Variants in PAK1 observed in about 807,000 individuals in gnomAD.
The protein encoded by PAK1 is serine/threonine-protein kinase PAK 1.
PAK1 carries 29 observed loss-of-function variants against 67.4 expected under a neutral mutation model. The ratio of observed to expected loss-of-function variants is 0.43; its 90% CI spans 0.32 to 0.59. The LOEUF is 0.59. Ranked by LOEUF, PAK1 falls within the 20% of genes least tolerant of loss-of-function variation. The pLI, the probability that PAK1 is intolerant of heterozygous loss-of-function variation, is 0.07. For missense variants in PAK1, 337 were observed against 670.7 expected (o/e 0.50, Z 5.50); for synonymous variants, 223 against 237.4 (o/e 0.94, Z 0.56).
intron 1 of PAK1, among the ~76,000 whole-genome samples, chr11:77,446,125 C>G (rs989065871): frequency 2.0e-5 from 3 of 152,168 alleles, no homozygotes; most frequent in Admixed American, 2.0e-4. Flanking sequence ...TAGCATGCAG[C>G]AGATAATAAA....
chr11:77,328,493 G>T (rs969613547), intron 14 of PAK1, among the ~76,000 whole-genome samples: 1 of 152,112 alleles, frequency 6.6e-6, no homozygotes. Flanking sequence ...ACTCAAAACT[G>T]CTCAACTACA....
At chr11:77,492,357 A>AC in the PAK1 span, among the ~76,000 whole-genome samples, 1 of 139,430 alleles carries the variant, frequency 7.2e-6, no homozygotes, top group Non-Finnish European at 1.5e-5. Flanking sequence ...AAAAACAACA[A>AC]CAAAAAAAAA....
At chr11:77,387,679 A>G (rs528325172) in intron 2 of PAK1, among the ~76,000 whole-genome samples, 1 of 152,352 alleles carries the variant, frequency 6.6e-6, no homozygotes, top group African/African-American at 2.4e-5. Flanking sequence ...CTACTATGTC[A>G]AATGACAAAA....
chr11:77,399,655 C>T (rs1013100431), intron 1 of PAK1, among the ~76,000 whole-genome samples: 6 of 151,562 alleles, frequency 4.0e-5, no homozygotes, highest in East Asian at 1.9e-4. Context: ...GTCAGGAGAT[C>T]GAGACCATCC....
intron 9 of PAK1, among the ~76,000 whole-genome samples, chr11:77,345,362 C>T (rs1337038347): frequency 6.6e-6 from 1 of 152,038 alleles, no homozygotes; most frequent in African/African-American, 2.4e-5. Context: ...GCAATGGGCT[C>T]CTCTATCCCA....
chr11:77,389,131 C>G (rs2137344214), intron 2 of PAK1, among the ~76,000 whole-genome samples: 1 of 152,288 alleles, frequency 6.6e-6, no homozygotes. Context: ...AATCTACTTT[C>G]TATCTATGAA....
Position 77,473,778 on chromosome 11 carries a change from A to C in PAK1, c.-248T>G, listed in dbSNP as rs1213714257. 29 of 141,458 alleles carry C rather than the reference A, an allele frequency of 2.1e-4. No individual in the cohort carries two copies. The highest frequency in any genetic ancestry group is 9.0e-4 in the East Asian group (4 of 4,438). The allele number at this position is 141,458 out of a possible 1,614,324, so 8.8% of individuals were successfully genotyped here. On this transcript the variant is annotated 5_prime_UTR_variant, in exon 1 of 15. Transcript: ENST00000356341. ...GCGAGGCGACGCGGGCGGGGGGGGA[A>C]GGGGGGACTGAGGGGCGAGGTGCGA...
At chr11:77,498,012 T>A in the PAK1 span, among the ~76,000 whole-genome samples, 7 of 152,308 alleles carry the variant, frequency 4.6e-5, no homozygotes, top group African/African-American at 1.7e-4. Context: ...TCTGTGCAAG[T>A]ATTTTCTATT....
chr11:77,401,848 C>G (rs547769575), intron 1 of PAK1, among the ~76,000 whole-genome samples: 32 of 152,312 alleles, frequency 2.1e-4, no homozygotes, highest in African/African-American at 7.0e-4. Flanking sequence ...ATTATATCAA[C>G]CATAATCCAT....
At chr11:77,332,166 G>A (rs1941700410) in intron 14 of PAK1, among the ~76,000 whole-genome samples, 1 of 149,236 alleles carries the variant, frequency 6.7e-6, no homozygotes, top group Non-Finnish European at 1.5e-5. Flanking sequence ...AAACTAGCCA[G>A]GTATGGTGGC....
chr11:77,443,339 A>G (rs1356378282), intron 1 of PAK1, among the ~76,000 whole-genome samples: 2 of 151,880 alleles, frequency 1.3e-5, no homozygotes, highest in Non-Finnish European at 2.9e-5. Flanking sequence ...TATACAAAGT[A>G]AGATTGTTAT....
At chr11:77,508,313 G>T in the PAK1 span, among the ~76,000 whole-genome samples, 25 of 152,104 alleles carry the variant, frequency 1.6e-4, no homozygotes, top group Non-Finnish European at 2.9e-4. Context: ...CCTAGGTTTG[G>T]TTCAATACCA....
At chr11:77,441,409 T>A (rs964697808) in intron 1 of PAK1, among the ~76,000 whole-genome samples, 4 of 152,224 alleles carry the variant, frequency 2.6e-5, no homozygotes, top group African/African-American at 9.6e-5. Flanking sequence ...CTCAATCCAG[T>A]GGTTTCCAAG....
At chr11:77,499,684 A>C in the PAK1 span, among the ~76,000 whole-genome samples, 2 of 152,114 alleles carry the variant, frequency 1.3e-5, no homozygotes, top group African/African-American at 4.8e-5. Flanking sequence ...TGTCTTAATT[A>C]GTTGTTTACA....
At chr11:77,494,340 A>G in the PAK1 span, among the ~76,000 whole-genome samples, 1 of 152,204 alleles carries the variant, frequency 6.6e-6, no homozygotes, top group Non-Finnish European at 1.5e-5. Flanking sequence ...GATGTCCTTG[A>G]TATGCTGCTA....
At chr11:77,460,909 ATAAGAG>A (rs1334005912) in intron 1 of PAK1, among the ~76,000 whole-genome samples, 1 of 152,026 alleles carries the variant, frequency 6.6e-6, no homozygotes, top group Non-Finnish European at 1.5e-5. Flanking sequence ...CAGAAGGAGA[ATAAGAG>A]TAAAACTGAA....
chr11:77,329,585 C>A (rs997011742), intron 14 of PAK1, among the ~76,000 whole-genome samples: 6 of 152,104 alleles, frequency 3.9e-5, no homozygotes, highest in African/African-American at 1.4e-4. Context: ...ATTCAACAAC[C>A]CTTCATGCTA....
chr11:77,325,377 CT>C, intron 14 of PAK1: 8 of 1,613,262 alleles, frequency 5.0e-6, no homozygotes, highest in Non-Finnish European at 6.8e-6. Flanking sequence ...GTTTTCTCAC[CT>C]GTAAAAATGA....
chr11:77,447,210 T>C (rs911245518), intron 1 of PAK1, among the ~76,000 whole-genome samples: 2 of 152,228 alleles, frequency 1.3e-5, no homozygotes, highest in Non-Finnish European at 2.9e-5. Flanking sequence ...AGGGTCTACA[T>C]TTTGGCCTTC....
Sources: allele counts gnomAD v4.1 joint callset (sites outside exome capture counted in the v4.1 genomes callset), GRCh38; gene constraint gnomAD v4.1.1; transcripts MANE v1.5; gene names NCBI Gene and HGNC (gene_info 2026-07-23, HGNC 2026-07-21).